TSC22D1: variants seen among roughly 807,000 people sequenced by gnomAD.
TSC22D1 encodes TSC22 domain family protein 1.
Under a neutral mutation model 74.2 loss-of-function variants are expected in TSC22D1, and 9 were observed. That is an observed-to-expected ratio of 0.12 (90% confidence interval 0.07 to 0.21). The LOEUF is 0.21. TSC22D1 is among the 10% of genes least tolerant of loss of function. TSC22D1 has a pLI of 1.00. For missense variants in TSC22D1, 1,427 were observed against 1,304.7 expected (o/e 1.09, Z -1.44); for synonymous variants, 586 against 492.5 (o/e 1.19, Z -2.51).
chr13:44,507,295 G>A (rs1879488909), intron 1 of TSC22D1, among the ~76,000 whole-genome samples: 1 of 152,118 alleles, frequency 6.6e-6, no homozygotes, highest in Non-Finnish European at 1.5e-5. Context: ...TAAGAATAAC[G>A]TTGCTACAGT....
intron 1 of TSC22D1, among the ~76,000 whole-genome samples, chr13:44,442,759 A>G (rs1304304860): frequency 6.6e-6 from 1 of 151,916 alleles, no homozygotes; most frequent in Non-Finnish European, 1.5e-5. Flanking sequence ...TCTACTAAAA[A>G]TATAAAATAG....
At chr13:44,540,166 C>A (rs959255645) in intron 1 of TSC22D1, 4 of 264,866 alleles carry the variant, frequency 1.5e-5, no homozygotes, top group African/African-American at 8.9e-5. Context: ...TGTGATAAAC[C>A]ACTCAACTCT....
chr13:44,511,395 G>C (rs955085612), intron 1 of TSC22D1, among the ~76,000 whole-genome samples: 4 of 152,140 alleles, frequency 2.6e-5, no homozygotes. Context: ...AAAGGAAGAA[G>C]TTTACTTCTA....
chr13:44,464,813 C>A (rs1877178223), intron 1 of TSC22D1, among the ~76,000 whole-genome samples: 1 of 152,246 alleles, frequency 6.6e-6, no homozygotes, highest in South Asian at 2.1e-4. Context: ...TGCCAGGTTA[C>A]CCTGACTCTT....
In TSC22D1 at chr13:44,576,105, G is replaced by C; in HGVS notation, c.-31C>G. ...TGGGTACCGGGGGCGCGGAGGAGACGAGTGCAATTTCCTTCTGCACCGTAA... is the reference window on the plus strand; with the variant it reads ...TGGGTACCGGGGGCGCGGAGGAGACCAGTGCAATTTCCTTCTGCACCGTAA... On this transcript the variant is annotated 5_prime_UTR_variant, in exon 1 of 3. Coordinates refer to ENST00000458659, the MANE Select transcript of TSC22D1 (RefSeq NM_183422.4). 1 of 1,484,840 alleles carries C rather than the reference G, an allele frequency of 6.7e-7. No homozygotes were observed. Among genetic ancestry groups the C allele is most frequent in the Non-Finnish European group, 8.9e-7 (1 of 1,124,108 alleles). The allele number at this position is 1,484,840 out of a possible 1,614,324, so 92.0% of individuals were successfully genotyped here. A position where few individuals can be genotyped will look rare whatever the true frequency, so the allele number is the denominator to read the frequency against.
At chr13:44,545,109 C>T (rs781319941) in intron 1 of TSC22D1, among the ~76,000 whole-genome samples, 8 of 152,130 alleles carry the variant, frequency 5.3e-5, no homozygotes, top group East Asian at 1.9e-4. Flanking sequence ...CCAAGGTAGG[C>T]GGATCACCTG....
In TSC22D1 at chr13:44,477,787, C is replaced by A. The variant is rs113512366; in HGVS notation, c.2913-41692G>T. On this transcript the variant is annotated intron_variant, in intron 1 of 2. Transcript: ENST00000458659. Reference sequence around the variant, plus strand: ...CCTCCTGAGTAGTTGGGCTTACAGGCGGGTGCCACCACGCCTGGCTAATTT... The same window carrying A: ...CCTCCTGAGTAGTTGGGCTTACAGGAGGGTGCCACCACGCCTGGCTAATTT... Among the ~76,000 whole-genome samples the A allele has an allele frequency of 3.6e-4, 54 of 152,024 alleles. 1 individual carries two copies. The highest frequency in any genetic ancestry group is 1.2e-3 in the African/African-American group (48 of 41,504).
chr13:44,491,656 A>G (rs926951494), intron 1 of TSC22D1, among the ~76,000 whole-genome samples: 1 of 152,224 alleles, frequency 6.6e-6, no homozygotes, highest in Non-Finnish European at 1.5e-5. Context: ...AAATTGAGAA[A>G]ATGAATTTAC....
chr13:44,539,129 T>C lies in TSC22D1; in HGVS notation c.2912+34034A>G, dbSNP rs894872025. 8 of 985,162 alleles carry C rather than the reference T, an allele frequency of 8.1e-6. No homozygotes were observed. In the African/African-American group the frequency reaches 1.4e-4, roughly 17 times the overall value. 61.0% of individuals were successfully genotyped at this position (985,162 alleles called of 1,614,324 possible). ...AGGGTTCTTTTACCATAAATATTTA[T>C]TCCTAGGGACTAGAAAATGACTTTT... On this transcript the variant is annotated intron_variant, in intron 1 of 2. Transcript: ENST00000458659.
chr13:44,450,846 T>C (rs1005902715), intron 1 of TSC22D1, among the ~76,000 whole-genome samples: 1 of 151,874 alleles, frequency 6.6e-6, no homozygotes, highest in Non-Finnish European at 1.5e-5. Flanking sequence ...TCCTTGGGAG[T>C]GGATGAGATT....
chr13:44,447,545 TGTAAA>T (rs2138894851), intron 1 of TSC22D1, among the ~76,000 whole-genome samples: 1 of 152,324 alleles, frequency 6.6e-6, no homozygotes, highest in East Asian at 1.9e-4. Context: ...TTAAAAGATT[TGTAAA>T]AATTAAATAC....
intron 1 of TSC22D1, among the ~76,000 whole-genome samples, chr13:44,494,557 C>A (rs1203081232): frequency 3.3e-5 from 5 of 150,494 alleles, no homozygotes; most frequent in Non-Finnish European, 5.9e-5. Context: ...GACCCCATCT[C>A]AAAAAAAATA....
chr13:44,551,420 G>A (rs1224984364), intron 1 of TSC22D1, among the ~76,000 whole-genome samples: 1 of 151,612 alleles, frequency 6.6e-6, no homozygotes, highest in African/African-American at 2.4e-5. Flanking sequence ...GTGTGTGTGT[G>A]TGTGTGTGTG....
intron 1 of TSC22D1, among the ~76,000 whole-genome samples, chr13:44,553,707 G>A (rs556036516): frequency 1.3e-5 from 2 of 152,266 alleles, no homozygotes; most frequent in Admixed American, 6.5e-5. Context: ...AAAAGGGAAA[G>A]GTTGCTTTTA....
At chr13:44,507,451 A>C (rs1879494856) in intron 1 of TSC22D1, among the ~76,000 whole-genome samples, 1 of 152,136 alleles carries the variant, frequency 6.6e-6, no homozygotes, top group Admixed American at 6.5e-5. Context: ...AGTTTTGCAA[A>C]GCAAATATCT....
intron 1 of TSC22D1, among the ~76,000 whole-genome samples, chr13:44,456,071 G>A (rs1310105661): frequency 6.6e-6 from 1 of 152,148 alleles, no homozygotes; most frequent in African/African-American, 2.4e-5. Context: ...AATTGTATCT[G>A]GAATTGGTTC....
intron 1 of TSC22D1, among the ~76,000 whole-genome samples, chr13:44,564,369 T>C (rs1883232979): frequency 6.6e-6 from 1 of 152,100 alleles, no homozygotes; most frequent in Non-Finnish European, 1.5e-5. Context: ...ATAAGCATTA[T>C]AAAAGAAAAG....
intron 1 of TSC22D1, among the ~76,000 whole-genome samples, chr13:44,506,649 A>G (rs149875975): frequency 6.6e-6 from 1 of 152,362 alleles, no homozygotes; most frequent in Non-Finnish European, 1.5e-5. Flanking sequence ...GAAAAAATAA[A>G]TAAAAAGTAT....
At chr13:44,556,432 G>A (rs1402778626) in intron 1 of TSC22D1, among the ~76,000 whole-genome samples, 2 of 151,708 alleles carry the variant, frequency 1.3e-5, no homozygotes, top group African/African-American at 4.8e-5. Flanking sequence ...TGTACTTCCA[G>A]CTACTAGGGA....
Sources: allele counts gnomAD v4.1 joint callset (sites outside exome capture counted in the v4.1 genomes callset), GRCh38; gene constraint gnomAD v4.1.1; transcripts MANE v1.5; gene names NCBI Gene and HGNC (gene_info 2026-07-23, HGNC 2026-07-21).